Variants in DGKH observed in about 807,000 individuals in gnomAD.
The protein encoded by DGKH is DAG kinase eta.
In DGKH, 90 loss-of-function variants were observed where a neutral mutation model predicts 159.3. The ratio of observed to expected loss-of-function variants is 0.57; its 90% CI spans 0.48 to 0.67. The LOEUF is 0.67. DGKH is among the 30% of genes least tolerant of loss of function. The pLI is 0.00. For missense variants in DGKH, 1,181 were observed against 1,506.1 expected (o/e 0.78, Z 3.57); for synonymous variants, 536 against 553.8 (o/e 0.97, Z 0.45).
chr13:42,082,743 A>AG (rs1208132000), intron 1 of DGKH, among the ~76,000 whole-genome samples: 1 of 152,202 alleles, frequency 6.6e-6, no homozygotes, highest in Non-Finnish European at 1.5e-5. Flanking sequence ...TTCTTGTAGA[A>AG]GGTTAGATGC....
At chr13:42,042,521 T>C (rs569045652) in intron 1 of DGKH, among the ~76,000 whole-genome samples, 108 of 152,340 alleles carry the variant, frequency 7.1e-4, no homozygotes, top group African/African-American at 2.6e-3. Flanking sequence ...CAATACTTTA[T>C]TCAGACTGCA....
chr13:42,055,203 G>A (rs1450733698), intron 1 of DGKH, among the ~76,000 whole-genome samples: 1 of 152,142 alleles, frequency 6.6e-6, no homozygotes, highest in Non-Finnish European at 1.5e-5. Context: ...GGTTTGCCAA[G>A]CATTGCAAAG....
intron 12 of DGKH, among the ~76,000 whole-genome samples, chr13:42,176,862 A>G (rs1956617138): frequency 6.6e-6 from 1 of 152,214 alleles, no homozygotes; most frequent in Non-Finnish European, 1.5e-5. Flanking sequence ...GGCTCTGAAT[A>G]TGAGGCTGTT....
intron 1 of DGKH, among the ~76,000 whole-genome samples, chr13:42,081,912 CAG>C (rs1340941002): frequency 1.3e-5 from 2 of 152,158 alleles, no homozygotes; most frequent in East Asian, 1.9e-4. Flanking sequence ...TCTCAGTGGA[CAG>C]AGTTACATCT....
chr13:42,184,806 G>A (rs1227229180), intron 13 of DGKH, among the ~76,000 whole-genome samples: 1 of 151,872 alleles, frequency 6.6e-6, no homozygotes, highest in Non-Finnish European at 1.5e-5. Flanking sequence ...GTTCAGGGAT[G>A]CAGTTACCTA....
At chr13:42,064,362 C>G (rs1331487094) in intron 1 of DGKH, among the ~76,000 whole-genome samples, 1 of 152,132 alleles carries the variant, frequency 6.6e-6, no homozygotes, top group Non-Finnish European at 1.5e-5. Flanking sequence ...TAGGGCACAC[C>G]TGAGCCGGGT....
intron 1 of DGKH, among the ~76,000 whole-genome samples, chr13:42,110,847 T>G (rs955653643): frequency 6.6e-5 from 10 of 152,254 alleles, no homozygotes; most frequent in Non-Finnish European, 1.5e-4. Flanking sequence ...ACCTTCTGCA[T>G]GTAACGGTAC....
Position 42,175,917 on chromosome 13 carries a change from T to G in DGKH, c.1452+1773T>G, listed in dbSNP as rs564075385. 1.9e-3 allele frequency among the ~76,000 whole-genome samples: 295 copies of G among 152,340 alleles called. 5 individuals are homozygous for G. The highest frequency in any genetic ancestry group is 0.015 in the Admixed American group (232 of 15,298). On this transcript the variant is annotated intron_variant, in intron 12 of 29. Transcript: ENST00000337343. The stretch of plus-strand genomic sequence containing the variant: ...TGTGGGTCTTAGGCAAATTACTCAG[T>G]AAGCCTCAGGTTCTTTGGCTATAAA...
At chr13:42,074,790 A>G (rs753430019) in intron 1 of DGKH, among the ~76,000 whole-genome samples, 18 of 152,254 alleles carry the variant, frequency 1.2e-4, no homozygotes, top group Non-Finnish European at 2.2e-4. Context: ...TTCACTATCT[A>G]GTGTGGTTAT....
At chr13:42,220,982 A>G (rs1449529742) in intron 28 of DGKH, among the ~76,000 whole-genome samples, 1 of 152,184 alleles carries the variant, frequency 6.6e-6, no homozygotes, top group Non-Finnish European at 1.5e-5. Flanking sequence ...TACATTTTGT[A>G]TGCATATTGT....
intron 1 of DGKH, among the ~76,000 whole-genome samples, chr13:42,093,053 G>C (rs1954450889): frequency 6.6e-6 from 1 of 152,082 alleles, no homozygotes; most frequent in Admixed American, 6.6e-5. Flanking sequence ...AGACCAGCCA[G>C]GGCAACATGG....
intron 3 of DGKH, among the ~76,000 whole-genome samples, chr13:42,154,465 A>G (rs1594106975): frequency 6.6e-6 from 1 of 152,348 alleles, no homozygotes; most frequent in East Asian, 1.9e-4. Flanking sequence ...TGATCCTATG[A>G]GAGTGTGAAG....
intron 1 of DGKH, among the ~76,000 whole-genome samples, chr13:42,121,404 T>C (rs60930829): frequency 0.13 from 20,551 of 152,236 alleles, 1,529 homozygotes; most frequent in Non-Finnish European, 0.17. Context: ...ATGAAATGCA[T>C]TTTTGACTTA....
intron 12 of DGKH, among the ~76,000 whole-genome samples, chr13:42,175,552 CTG>C (rs1555270508): frequency 6.6e-6 from 1 of 152,048 alleles, no homozygotes; most frequent in Non-Finnish European, 1.5e-5. Context: ...TCAGAAATGT[CTG>C]TTTTCTAGCA....
chr13:42,147,035 C>T (rs1955752480), intron 3 of DGKH, among the ~76,000 whole-genome samples: 1 of 152,048 alleles, frequency 6.6e-6, no homozygotes. Context: ...CATAGATTAG[C>T]TTGTCTGCAC....
Position 42,241,573 on chromosome 13 carries a change from T to C in DGKH, c.*12385T>C, listed in dbSNP as rs1391940628. 1 of 152,192 alleles carries C rather than the reference T, an allele frequency of 6.6e-6. No individual in the cohort carries two copies. Among genetic ancestry groups the C allele is most frequent in the African/African-American group, 2.4e-5 (1 of 41,444 alleles). 9.4% of individuals were successfully genotyped at this position (152,192 alleles called of 1,614,324 possible). On this transcript the variant is annotated 3_prime_UTR_variant, in exon 30 of 30. Coordinates refer to ENST00000337343, the MANE Select transcript of DGKH (RefSeq NM_178009.5). ...TGTGAACTCACATTTAAAGTTTATT[T>C]TGGGAAGGCATATATGCCTTTTGAT...
At chr13:42,215,545 TC>T in intron 25 of DGKH, 29 bp from the exon 26 acceptor site, 1 of 1,527,448 alleles carries the variant, frequency 6.5e-7, no homozygotes, top group Non-Finnish European at 9.0e-7. Context: ...TTAATACAGA[TC>T]ACATGTCTTT....
chr13:42,126,762 T>C (rs2137838925), intron 1 of DGKH, among the ~76,000 whole-genome samples: 1 of 152,298 alleles, frequency 6.6e-6, no homozygotes, highest in African/African-American at 2.4e-5. Context: ...CCCCATCTCT[T>C]GTCATAAACT....
Position 42,238,117 on chromosome 13 carries a change from A to G in DGKH, c.*8929A>G, listed in dbSNP as rs1958453724. 2 of 152,310 alleles carry G rather than the reference A, an allele frequency of 1.3e-5. No individual in the cohort carries two copies. The highest frequency in any genetic ancestry group is 2.1e-4 in the South Asian group (1 of 4,826). 9.4% of individuals were successfully genotyped at this position (152,310 alleles called of 1,614,324 possible). A position where few individuals can be genotyped will look rare whatever the true frequency, so the allele number is the denominator to read the frequency against. Reference sequence around the variant, plus strand: ...CCAGTTAGAAATGGCACACAATATTATCAGTTGTTAGTACTTGGTAACGTT... The same window carrying G: ...CCAGTTAGAAATGGCACACAATATTGTCAGTTGTTAGTACTTGGTAACGTT... On this transcript the variant is annotated 3_prime_UTR_variant, in exon 30 of 30. Coordinates refer to ENST00000337343, the MANE Select transcript of DGKH (RefSeq NM_178009.5).
Sources: gnomAD v4.1 joint callset for allele counts (sites outside exome capture counted in the v4.1 genomes callset) on GRCh38, gnomAD v4.1.1 for gene constraint, MANE v1.5 for transcripts, NCBI Gene and HGNC (gene_info 2026-07-23, HGNC 2026-07-21) for gene names.